The following KIF6 variants were observed in gnomAD, a reference collection of about 807,000 sequenced individuals.
KIF6 encodes the protein kinesin-like protein KIF6.
In KIF6, 106 loss-of-function variants were observed where a neutral mutation model predicts 112.7. That is an observed-to-expected ratio of 0.94 (90% CI 0.80 to 1.11). The LOEUF (loss-of-function observed/expected upper bound fraction) is 1.11, where lower values mean the gene tolerates loss of function less well. KIF6 is among the 50% of genes least tolerant of loss of function. The pLI, the probability that KIF6 is intolerant of heterozygous loss-of-function variation, is 0.00. For synonymous variants in KIF6, 339 were observed against 339.9 expected, an observed-to-expected ratio of 1.00 and a Z score of 0.03; for missense variants, 929 against 964.0, an observed-to-expected ratio of 0.96 and a Z score of 0.48.
chr6:39,379,039 C>T (rs1030304814), intron 16 of KIF6, among the ~76,000 whole-genome samples: 19 of 152,190 alleles, frequency 1.2e-4, no homozygotes, highest in Non-Finnish European at 2.5e-4. Flanking sequence ...TTGAAGACAT[C>T]GTTCACTGTG....
At chr6:39,453,690 A>G (rs1378865980) in intron 13 of KIF6, among the ~76,000 whole-genome samples, 2 of 152,256 alleles carry the variant, frequency 1.3e-5, no homozygotes, top group Non-Finnish European at 2.9e-5. Context: ...TAATCACTGT[A>G]GTTGATAAAG....
chr6:39,452,955 AG>A (rs1772799788), intron 13 of KIF6, among the ~76,000 whole-genome samples: 1 of 152,240 alleles, frequency 6.6e-6, no homozygotes. Flanking sequence ...ATTGAGGTCA[AG>A]GAAGAAACAT....
intron 20 of KIF6, among the ~76,000 whole-genome samples, chr6:39,346,075 T>C (rs1270113179): frequency 4.7e-5 from 1 of 21,134 alleles, no homozygotes; most frequent in Non-Finnish European, 8.4e-5. Context: ...TCTCTCTCTC[T>C]CTCTCTCTCT....
chr6:39,401,624 G>C (rs182570925), intron 15 of KIF6, among the ~76,000 whole-genome samples: 1 of 151,976 alleles, frequency 6.6e-6, no homozygotes, highest in Non-Finnish European at 1.5e-5. Flanking sequence ...TCCTCCCGGG[G>C]CAGGGGATTT....
At chr6:39,402,655 C>T (rs1002892611) in intron 15 of KIF6, among the ~76,000 whole-genome samples, 5 of 152,130 alleles carry the variant, frequency 3.3e-5, no homozygotes, top group South Asian at 2.1e-4. Flanking sequence ...ACTCCACCAA[C>T]GAGGCCTGAC....
chr6:39,540,708 G>A (rs767040463), intron 12 of KIF6, among the ~76,000 whole-genome samples: 2 of 152,202 alleles, frequency 1.3e-5, no homozygotes, highest in African/African-American at 2.4e-5. Context: ...CCTGGCGGCC[G>A]GTGCGGTGAC....
At chr6:39,470,542 G>A (rs1325925810) in intron 13 of KIF6, among the ~76,000 whole-genome samples, 1 of 152,178 alleles carries the variant, frequency 6.6e-6, no homozygotes, top group Non-Finnish European at 1.5e-5. Flanking sequence ...TGAAACCCAG[G>A]AGGATGATTG....
intron 13 of KIF6, among the ~76,000 whole-genome samples, chr6:39,468,821 T>C (rs757409456): frequency 4.6e-5 from 7 of 152,044 alleles, no homozygotes; most frequent in Non-Finnish European, 1.0e-4. Context: ...TAAAGGATAG[T>C]ATAATTGCAT....
chr6:39,612,476 AT>A (rs1783268964), intron 6 of KIF6, among the ~76,000 whole-genome samples: 1 of 152,190 alleles, frequency 6.6e-6, no homozygotes, highest in Admixed American at 6.5e-5. Context: ...ACCAGTTACA[AT>A]TTGGGCCCCT....
chr6:39,675,586 T>C (rs1787084675), intron 3 of KIF6, among the ~76,000 whole-genome samples: 1 of 123,724 alleles, frequency 8.1e-6, no homozygotes, highest in South Asian at 2.8e-4. Flanking sequence ...GCTCACAATC[T>C]AAAACAACAA....
intron 3 of KIF6, among the ~76,000 whole-genome samples, chr6:39,679,391 G>T (rs1169329559): frequency 1.3e-5 from 2 of 152,116 alleles, no homozygotes; most frequent in African/African-American, 4.8e-5. Context: ...ACCTAGAAAT[G>T]GAACGGTGGG....
intron 18 of KIF6, among the ~76,000 whole-genome samples, chr6:39,358,804 C>T (rs753262220): frequency 6.6e-6 from 1 of 152,190 alleles, no homozygotes; most frequent in Non-Finnish European, 1.5e-5. Context: ...ATTAGCAATA[C>T]CTGTGACTTT....
At chr6:39,523,116 C>T (rs537243572) in intron 13 of KIF6, among the ~76,000 whole-genome samples, 51 of 152,312 alleles carry the variant, frequency 3.3e-4, no homozygotes, top group Admixed American at 1.0e-3. Flanking sequence ...GAAAATGGCA[C>T]TGTATCCACT....
At chr6:39,577,179 C>T (rs954843044) in intron 10 of KIF6, among the ~76,000 whole-genome samples, 9 of 152,286 alleles carry the variant, frequency 5.9e-5, no homozygotes, top group East Asian at 3.9e-4. Flanking sequence ...AACACTACCC[C>T]GTAGGAGTGA....
chr6:39,640,221 A>G (rs1230343915), intron 3 of KIF6, among the ~76,000 whole-genome samples: 1 of 152,072 alleles, frequency 6.6e-6, no homozygotes, highest in African/African-American at 2.4e-5. Flanking sequence ...AATACTAAGC[A>G]CCAACTGAAA....
At chr6:39,704,555 T>C (rs1021967295) in intron 3 of KIF6, among the ~76,000 whole-genome samples, 2 of 151,890 alleles carry the variant, frequency 1.3e-5, no homozygotes, top group Admixed American at 6.6e-5. Context: ...GTGGCAGAGG[T>C]TGCAGTGAGC....
Position 39,719,519 on chromosome 6 carries a change from A to C in KIF6, c.176+1183T>G, listed in dbSNP as rs560302872. ...AATCCGTCACCAAAATTTGGGCCAG[A>C]GATCAAAGACGGATTTAATTTGGGC... On this transcript the variant is annotated intron_variant, in intron 2 of 22. Coordinates refer to ENST00000287152, the MANE Select transcript of KIF6 (RefSeq NM_145027.6). 3.0e-3 allele frequency among the ~76,000 whole-genome samples: 455 copies of C among 152,302 alleles called. 2 individuals carry two copies. The highest frequency in any genetic ancestry group is 1.0e-2 in the African/African-American group (415 of 41,558).
intron 3 of KIF6, among the ~76,000 whole-genome samples, chr6:39,663,738 C>T (rs754899310): frequency 6.6e-6 from 1 of 151,796 alleles, no homozygotes; most frequent in Non-Finnish European, 1.5e-5. Flanking sequence ...ATAGATAAAT[C>T]TAAAGAAGTA....
chr6:39,346,094 T>C (rs1169244383), intron 20 of KIF6, among the ~76,000 whole-genome samples: 141 of 3,408 alleles, frequency 0.041, 2 homozygotes, highest in East Asian at 0.058. Flanking sequence ...CTCCCCCCCC[T>C]CTCCCTCCCC....
Sources: gnomAD v4.1 joint callset for allele counts (sites outside exome capture counted in the v4.1 genomes callset) on GRCh38, gnomAD v4.1.1 for gene constraint, MANE v1.5 for transcripts, NCBI Gene and HGNC (gene_info 2026-07-23, HGNC 2026-07-21) for gene names.